Variants in CMTM4 observed in about 807,000 individuals in gnomAD.
The protein encoded by CMTM4 is CKLF-like MARVEL transmembrane domain-containing protein 4.
In CMTM4, 8 loss-of-function variants were observed where a neutral mutation model predicts 19.0. The ratio of observed to expected loss-of-function variants is 0.42; its 90% CI spans 0.25 to 0.76. The LOEUF is 0.76. Ranked by LOEUF, CMTM4 falls within the 30% of genes least tolerant of loss-of-function variation. CMTM4 has a pLI of 0.27. For missense variants in CMTM4, 228 were observed against 290.2 expected (o/e 0.79, Z 1.56); for synonymous variants, 106 against 121.1 (o/e 0.88, Z 0.82).
At chr16:66,685,098 T>C (rs2017008108) in intron 1 of CMTM4, among the ~76,000 whole-genome samples, 1 of 152,210 alleles carries the variant, frequency 6.6e-6, no homozygotes, top group South Asian at 2.1e-4. Context: ...GTAATTTCAA[T>C]GCTTAGAATA....
the CMTM4 span, chr16:66,604,430 A>C: frequency 5.9e-6 from 1 of 170,772 alleles, no homozygotes; most frequent in East Asian, 1.6e-4. Context: ...ACGGGCAGGA[A>C]GTTAGACCGG....
rs11075638 is a variant in CMTM4 at position 66,643,484 on chromosome 16, T to C, written c.187-6903A>G. ...TAGAGGAGAAATAGGGTTTGAAACA[T>C]ACGGAGCCAGAAGCTTGTCTGTGGG... On this transcript the variant is annotated intron_variant, in intron 1 of 3. Coordinates refer to ENST00000394106, the MANE Select transcript of CMTM4 (RefSeq NM_181521.3). Among the ~76,000 whole-genome samples the C allele has an allele frequency of 2.0e-5, 3 of 152,286 alleles. No individual in the cohort carries two copies. The East Asian group carries it at 5.8e-4, about 29-fold the overall frequency.
chr16:66,658,615 A>C (rs573597526), intron 1 of CMTM4, among the ~76,000 whole-genome samples: 55 of 152,064 alleles, frequency 3.6e-4, no homozygotes, highest in Non-Finnish European at 6.3e-4. Flanking sequence ...AAGATTTCTC[A>C]AACTCAGCAC....
intron 1 of CMTM4, among the ~76,000 whole-genome samples, chr16:66,662,950 G>A (rs940101682): frequency 2.0e-5 from 3 of 152,138 alleles, no homozygotes; most frequent in East Asian, 1.9e-4. Context: ...CAGTAAAGAC[G>A]TTGAGAATGA....
chr16:66,629,514 G>A (rs1417704029), intron 2 of CMTM4, among the ~76,000 whole-genome samples: 1 of 152,178 alleles, frequency 6.6e-6, no homozygotes, highest in Non-Finnish European at 1.5e-5. Flanking sequence ...GAATGAGTGT[G>A]CTATAATGAA....
At chr16:66,600,068 G>A in the CMTM4 span, among the ~76,000 whole-genome samples, 2 of 149,710 alleles carry the variant, frequency 1.3e-5, no homozygotes, top group South Asian at 4.2e-4. Context: ...AAAAAATTGG[G>A]TTGTTTTCTT....
At chr16:66,626,525 G>C (rs1196779642) in intron 2 of CMTM4, among the ~76,000 whole-genome samples, 1 of 152,186 alleles carries the variant, frequency 6.6e-6, no homozygotes, top group Admixed American at 6.5e-5. Context: ...AGAATCGCTA[G>C]AGGCCAGGGG....
chr16:66,653,555 A>C (rs1248025215), intron 1 of CMTM4, among the ~76,000 whole-genome samples: 1 of 152,196 alleles, frequency 6.6e-6, no homozygotes, highest in Non-Finnish European at 1.5e-5. Context: ...TGGTGTCCCC[A>C]GCTCCAGAGA....
intron 1 of CMTM4, among the ~76,000 whole-genome samples, chr16:66,656,259 T>C (rs544456247): frequency 1.3e-5 from 2 of 152,246 alleles, no homozygotes; most frequent in Non-Finnish European, 2.9e-5. Flanking sequence ...ATAGCAGGAA[T>C]GGTGGATTTA....
Position 66,696,422 on chromosome 16 carries a change from C to T in CMTM4, c.104G>A (p.Ser35Asn), listed in dbSNP as rs1427295490. The T allele has an allele frequency of 7.1e-7, 1 of 1,399,500 alleles. No homozygotes were observed. The highest frequency in any genetic ancestry group is 9.3e-7 in the Non-Finnish European group (1 of 1,078,616). The allele number at this position is 1,399,500 out of a possible 1,614,324, so 86.7% of individuals were successfully genotyped here. A position where few individuals can be genotyped will look rare whatever the true frequency, so the allele number is the denominator to read the frequency against. Reference protein sequence around the residue: ...SPYQPTTEPVSQRRGLAGLRC... With the variant: ...SPYQPTTEPVNQRRGLAGLRC... ...CAGGCCGGCCAGCCCGCGGCGCTGG[C>T]TCACCGGCTCGGTGGTGGGCTGGTA... is the stretch of plus-strand genomic sequence containing the variant. Residue 35 changes from serine (S) to asparagine (N), a missense_variant, in exon 1 of 4, where the codon AGC becomes AAC. Ser to Asn is a conservative substitution (Grantham distance 46). Coordinates refer to ENST00000394106, the MANE Select transcript of CMTM4 (RefSeq NM_181521.3). This position sits in a 1 kb window ranked among gnomAD's most constrained non-coding sequence, Gnocchi z 4.3.
intron 2 of CMTM4, among the ~76,000 whole-genome samples, chr16:66,635,726 A>G (rs1048215671): frequency 6.6e-5 from 10 of 152,216 alleles, no homozygotes; most frequent in African/African-American, 1.9e-4. Context: ...GCTCTTGCAC[A>G]TGCTAATTTG....
At chr16:66,608,233 C>T in the CMTM4 span, 11 of 1,543,190 alleles carry the variant, frequency 7.1e-6, no homozygotes, top group Middle Eastern at 3.4e-4. This position sits in a 1 kb window ranked among gnomAD's most constrained non-coding sequence, Gnocchi z 5.1. Context: ...ATCCTGACCA[C>T]AGGGCCTGGC....
chr16:66,685,474 T>C (rs957150729), intron 1 of CMTM4, among the ~76,000 whole-genome samples: 3 of 151,726 alleles, frequency 2.0e-5, no homozygotes, highest in Non-Finnish European at 2.9e-5. Flanking sequence ...GCCACACGTG[T>C]GGTGCAGCTC....
chr16:66,670,725 AG>A (rs760192130), intron 1 of CMTM4, among the ~76,000 whole-genome samples: 1 of 151,984 alleles, frequency 6.6e-6, no homozygotes. Flanking sequence ...GCCTGAACCC[AG>A]GAGGTGGAGG....
chr16:66,614,092 A>G (rs2015480842), downstream of CMTM4, among the ~76,000 whole-genome samples: 1 of 152,190 alleles, frequency 6.6e-6, no homozygotes, highest in Non-Finnish European at 1.5e-5. The surrounding 1 kb of genome is among the most constrained non-coding windows in gnomAD (Gnocchi z 4.9). Flanking sequence ...CACAGTTTAC[A>G]ATAGGATTCG....
In CMTM4 at chr16:66,623,451, C is replaced by G; in HGVS notation, c.415G>C (p.Val139Leu). The stretch of plus-strand genomic sequence containing the variant: ...GCTCTATGGTTTAAAGCAGCCAGTA[C>G]GATTGAAGCAATAAAGAAAAGGAAA... ...SAFLFFIASI[V>L]LAALNHRAGA... The change falls in exon 3 of 4, where the codon GTA becomes CTA. Residue 139 changes from valine to leucine, a missense_variant. Coordinates refer to ENST00000394106, the MANE Select transcript of CMTM4 (RefSeq NM_181521.3). 3.1e-6 allele frequency: 5 copies of G among 1,613,882 alleles called. No homozygotes were observed. The highest frequency in any genetic ancestry group is 4.2e-6 in the Non-Finnish European group (5 of 1,179,936).
intron 2 of CMTM4, among the ~76,000 whole-genome samples, chr16:66,627,684 A>C (rs1469184993): frequency 2.0e-5 from 3 of 152,062 alleles, no homozygotes; most frequent in Admixed American, 2.0e-4. Context: ...TGGACATTTC[A>C]TACAAATAGA....
At chr16:66,652,308 C>T (rs2016324546) in intron 1 of CMTM4, among the ~76,000 whole-genome samples, 1 of 152,206 alleles carries the variant, frequency 6.6e-6, no homozygotes, top group Non-Finnish European at 1.5e-5. Flanking sequence ...TCCGAGGCCA[C>T]ACTCCACTCT....
intron 1 of CMTM4, among the ~76,000 whole-genome samples, chr16:66,642,917 T>C (rs2016123771): frequency 6.6e-6 from 1 of 152,106 alleles, no homozygotes; most frequent in South Asian, 2.1e-4. Context: ...AATAATGAAA[T>C]AGCAATTTTT....
Sources: allele counts gnomAD v4.1 joint callset (sites outside exome capture counted in the v4.1 genomes callset), GRCh38; gene constraint gnomAD v4.1.1; non-coding constraint Gnocchi (gnomAD v3.1); transcripts MANE v1.5; gene names NCBI Gene and HGNC (gene_info 2026-07-23, HGNC 2026-07-21).